The following LMTK2 variants were observed in gnomAD, a reference collection of about 807,000 sequenced individuals.
The protein encoded by LMTK2 is serine/threonine-protein kinase LMTK2.
A neutral mutation model predicts 127.5 loss-of-function variants in LMTK2; 37 were observed. The ratio of observed to expected loss-of-function variants is 0.29; its 90% CI spans 0.22 to 0.38. LMTK2 has a LOEUF of 0.38. Among genes scored for constraint, LMTK2 ranks in the 10% least tolerant of loss-of-function variants. The pLI is 1.00. For synonymous variants in LMTK2, 819 were observed against 810.1 expected (o/e 1.01, Z -0.19); for missense variants, 1,694 against 1,920.3 (o/e 0.88, Z 2.20).
intron 1 of LMTK2, among the ~76,000 whole-genome samples, chr7:98,118,707 G>A (rs949197231): frequency 1.3e-5 from 2 of 152,070 alleles, no homozygotes; most frequent in Non-Finnish European, 2.9e-5. Flanking sequence ...TCTCAGTGAC[G>A]GATCAGTGCA....
At chr7:98,190,319 C>A (rs1292207211) in intron 9 of LMTK2, among the ~76,000 whole-genome samples, 1 of 152,200 alleles carries the variant, frequency 6.6e-6, no homozygotes, top group Non-Finnish European at 1.5e-5. Context: ...TGGTGGCTCA[C>A]GCCTGTAATC....
intron 3 of LMTK2, among the ~76,000 whole-genome samples, chr7:98,144,673 C>T (rs1325435685): frequency 1.3e-5 from 2 of 150,644 alleles, no homozygotes; most frequent in Admixed American, 6.6e-5. Context: ...GTTTGAGGTT[C>T]ACGGGAAAAT....
intron 2 of LMTK2, among the ~76,000 whole-genome samples, chr7:98,138,499 G>T (rs569203670): frequency 2.4e-4 from 37 of 152,294 alleles, no homozygotes; most frequent in Non-Finnish European, 4.9e-4. Flanking sequence ...CACTAATGGA[G>T]ATCAGTTCCT....
rs537649992 is a variant in LMTK2, at chr7:98,171,393, G to A, written c.658-148G>A. ...AAGCATAATAGTGTTCTATACTTTC[G>A]CAGTATTGGGTTGGAACTTCTTTAA... On this transcript the variant is annotated intron_variant, in intron 6 of 13. Transcript: ENST00000297293. The surrounding 1 kb of genome is among the most constrained non-coding windows in gnomAD (Gnocchi z 5.1). 32 of 889,580 alleles carry A rather than the reference G, an allele frequency of 3.6e-5. No homozygotes were observed. Among genetic ancestry groups the A allele is most frequent in the South Asian group, 1.6e-4 (11 of 68,066 alleles). 55.1% of individuals were successfully genotyped at this position (889,580 alleles called of 1,614,324 possible). A position where few individuals can be genotyped will look rare whatever the true frequency, so the allele number is the denominator to read the frequency against.
At chr7:98,180,705 TTAA>T (rs1797342618) in intron 7 of LMTK2, among the ~76,000 whole-genome samples, 1 of 152,190 alleles carries the variant, frequency 6.6e-6, no homozygotes. Flanking sequence ...ATAAACATTT[TTAA>T]TAATGTGGAT....
At position 98,192,761 on chromosome 7, in the gene LMTK2, T is replaced by A. The variant is rs967078589; in HGVS notation, c.2296T>A (p.Ser766Thr). 4 of 1,613,750 alleles carry A rather than the reference T, an allele frequency of 2.5e-6. No individual in the cohort carries two copies. The highest frequency in any genetic ancestry group is 3.3e-5 in the Admixed American group (2 of 59,994). Residue 766 changes from serine to threonine, a missense_variant, in exon 11 of 14, where the codon TCT becomes ACT. Around this residue, in one of 8 missense-constraint regions of LMTK2, gnomAD observed 527 missense variants for 539.8 expected, o/e 0.98. Transcript: ENST00000297293. ...TATGTTAGAAACGTCATGTAGAAAC[T>A]CTTTAGATACTGAGCTTCAGTTTGC... Reference protein sequence around the residue: ...EAMLETSCRNSLDTELQFAEN... With the variant: ...EAMLETSCRNTLDTELQFAEN...
chr7:98,158,943 AGCTATTTG>A (rs1398908764), intron 5 of LMTK2, among the ~76,000 whole-genome samples: 2 of 152,164 alleles, frequency 1.3e-5, no homozygotes, highest in Non-Finnish European at 2.9e-5. Flanking sequence ...CTGTAATGCC[AGCTATTTG>A]GCCAGCTGAG....
intron 10 of LMTK2, among the ~76,000 whole-genome samples, chr7:98,191,215 C>T (rs964229187): frequency 6.6e-6 from 1 of 152,164 alleles, no homozygotes; most frequent in Non-Finnish European, 1.5e-5. Flanking sequence ...CCCATTGCCC[C>T]AGGATTACAA....
Position 98,193,707 on chromosome 7 carries a change from G to T in LMTK2, c.3242G>T (p.Gly1081Val), listed in dbSNP as rs752727034. 4 of 1,613,796 alleles carry T rather than the reference G, an allele frequency of 2.5e-6. No individual in the cohort carries two copies. The highest frequency in any genetic ancestry group is 2.5e-6 in the Non-Finnish European group (3 of 1,179,994). The change falls in exon 11 of 14, where the codon GGT (glycine) becomes GTT (valine). Residue 1081 changes from glycine to valine, a missense_variant. Transcript: ENST00000297293. The surrounding 1 kb of genome is among the most constrained non-coding windows in gnomAD (Gnocchi z 4.1). ...ATTGTCATCTCAGATGCCGGCGATG[G>T]TCACAGAGGCACAGAAGTGACCCCT... ...PVIVISDAGD[G>V]HRGTEVTPET...
chr7:98,117,668 T>C (rs1299737231), intron 1 of LMTK2, among the ~76,000 whole-genome samples: 1 of 152,114 alleles, frequency 6.6e-6, no homozygotes, highest in Non-Finnish European at 1.5e-5. Context: ...GAGAGTGATA[T>C]GAGAAACCAA....
chr7:98,158,580 A>T (rs188520672), intron 5 of LMTK2, among the ~76,000 whole-genome samples: 256 of 148,376 alleles, frequency 1.7e-3, no homozygotes, highest in African/African-American at 5.7e-3. Flanking sequence ...GGAAAATATT[A>T]AAAAAAAAAA....
chr7:98,139,601 C>G (rs1192142339), intron 2 of LMTK2, among the ~76,000 whole-genome samples: 1 of 152,136 alleles, frequency 6.6e-6, no homozygotes. Context: ...GAAGGATTTC[C>G]TCTGTTCAAA....
intron 1 of LMTK2, among the ~76,000 whole-genome samples, chr7:98,127,075 A>G (rs1207510674): frequency 6.6e-6 from 1 of 152,226 alleles, no homozygotes; most frequent in African/African-American, 2.4e-5. Flanking sequence ...GTTCTTATAA[A>G]TAGATATATT....
At chr7:98,153,289 G>A (rs768382020) in intron 4 of LMTK2, among the ~76,000 whole-genome samples, 2 of 152,204 alleles carry the variant, frequency 1.3e-5, no homozygotes, top group Non-Finnish European at 2.9e-5. Context: ...GGGAGGCTCT[G>A]CAGCAGGGAG....
At chr7:98,182,458 A>G (rs772417553) in intron 7 of LMTK2, among the ~76,000 whole-genome samples, 1 of 152,236 alleles carries the variant, frequency 6.6e-6, no homozygotes, top group African/African-American at 2.4e-5. Flanking sequence ...GAAATATACA[A>G]ATGGCAATAG....
chr7:98,138,791 G>A (rs1214836126), intron 2 of LMTK2, among the ~76,000 whole-genome samples: 1 of 152,166 alleles, frequency 6.6e-6, no homozygotes, highest in Non-Finnish European at 1.5e-5. Context: ...CTTAGATCAT[G>A]CAAAGCTTTT....
At chr7:98,155,966 G>A (rs1163462816) in intron 5 of LMTK2, among the ~76,000 whole-genome samples, 5 of 151,976 alleles carry the variant, frequency 3.3e-5, no homozygotes, top group African/African-American at 9.7e-5. Flanking sequence ...TGGAAACCAC[G>A]TAGCTGACAT....
chr7:98,148,084 T>A (rs997454260), intron 3 of LMTK2, among the ~76,000 whole-genome samples: 2 of 152,054 alleles, frequency 1.3e-5, no homozygotes, highest in African/African-American at 2.4e-5. Flanking sequence ...TAGTCCCAGC[T>A]ACTCAGGAGG....
intron 7 of LMTK2, among the ~76,000 whole-genome samples, chr7:98,174,819 A>G (rs1179616659): frequency 2.6e-5 from 4 of 152,216 alleles, no homozygotes; most frequent in Admixed American, 2.6e-4. Flanking sequence ...GAGGTAGAGA[A>G]ATGCATTTAA....
Sources: allele counts gnomAD v4.1 joint callset (sites outside exome capture counted in the v4.1 genomes callset), GRCh38; gene constraint gnomAD v4.1.1; regional missense constraint gnomAD v4.1.1; non-coding constraint Gnocchi (gnomAD v3.1); transcripts MANE v1.5; gene names NCBI Gene and HGNC (gene_info 2026-07-23, HGNC 2026-07-21).